Variants in GALNT18 observed in about 807,000 individuals in gnomAD.
GALNT18 encodes the protein GalNAc-transferase 18.
A neutral mutation model predicts 69.5 loss-of-function variants in GALNT18; 44 were observed. That is an observed-to-expected ratio of 0.63 (90% CI 0.50 to 0.81). The LOEUF (loss-of-function observed/expected upper bound fraction) is 0.81, where lower values mean the gene tolerates loss of function less well. Among genes scored for constraint, GALNT18 ranks in the 40% least tolerant of loss-of-function variants. GALNT18 has a pLI of 0.00. For missense variants in GALNT18, 715 were observed against 810.0 expected (o/e 0.88, Z 1.42); for synonymous variants, 364 against 318.2 (o/e 1.14, Z -1.53).
intron 10 of GALNT18, among the ~76,000 whole-genome samples, chr11:11,279,100 G>A (rs547836511): frequency 8.6e-5 from 13 of 152,036 alleles, no homozygotes; most frequent in East Asian, 7.8e-4. Flanking sequence ...GGCTCTCTCC[G>A]CTCTGAGTCT....
chr11:11,379,377 T>C (rs1049353817), intron 3 of GALNT18, 113 bp from the exon 4 acceptor site: 45 of 1,025,948 alleles, frequency 4.4e-5, no homozygotes, highest in Admixed American at 7.2e-5. Context: ...GGGGGACCCA[T>C]TCCCCTCCCT....
chr11:11,516,475 T>C (rs1293291901), intron 1 of GALNT18, among the ~76,000 whole-genome samples: 2 of 151,996 alleles, frequency 1.3e-5, no homozygotes, highest in African/African-American at 4.8e-5. Context: ...CTACTAAAAA[T>C]GCAAAATTAG....
chr11:11,372,508 C>T lies in GALNT18; in HGVS notation c.1092+7G>A, dbSNP rs1001196635. 2.5e-5 allele frequency: 41 copies of T among 1,611,420 alleles called. No individual in the cohort carries two copies. The Admixed American group carries it at 2.7e-4, about 10-fold the overall frequency. On this transcript the variant is annotated splice_region_variant and intron_variant, in intron 6 of 10. Coordinates refer to ENST00000227756, the MANE Select transcript of GALNT18 (RefSeq NM_198516.3). This position sits in a 1 kb window ranked among gnomAD's most constrained non-coding sequence, Gnocchi z 4.9. ...GCCGAGCAGTTTGAGTGAGAAACCC[C>T]ACTCACCCTGATCCCAAGCTCCACA... is the stretch of plus-strand genomic sequence containing the variant.
intron 1 of GALNT18, among the ~76,000 whole-genome samples, chr11:11,462,909 G>T (rs1310830103): frequency 6.6e-6 from 1 of 152,132 alleles, no homozygotes; most frequent in African/African-American, 2.4e-5. Context: ...CAAAGAACAA[G>T]TATTTGGGGT....
At chr11:11,529,874 A>T (rs1358748925) in intron 1 of GALNT18, among the ~76,000 whole-genome samples, 1 of 152,086 alleles carries the variant, frequency 6.6e-6, no homozygotes, top group Non-Finnish European at 1.5e-5. Context: ...ACCCAGGTTT[A>T]ACTCTCCTTG....
rs1848823164 is a variant in GALNT18, at chr11:11,271,348, G to C, written c.1678-58C>G. ...GCATAGAGGCAACATGCAGAAATTC[G>C]GGAGCCTCAGGCCAAGTGGCTGGTG... On this transcript the variant is annotated intron_variant, in intron 10 of 10. Coordinates refer to ENST00000227756, the MANE Select transcript of GALNT18 (RefSeq NM_198516.3). 4 of 1,566,460 alleles carry C rather than the reference G, an allele frequency of 2.6e-6. No homozygotes were observed. In the East Asian group the frequency reaches 6.8e-5, roughly 27 times the overall value.
chr11:11,456,145 G>T (rs923466534), intron 1 of GALNT18, among the ~76,000 whole-genome samples: 7 of 152,154 alleles, frequency 4.6e-5, no homozygotes, highest in Non-Finnish European at 1.5e-5. Flanking sequence ...GGCTGATCTT[G>T]GGTGTCTAAA....
At position 11,603,342 on chromosome 11, in the gene GALNT18, C is replaced by T. The variant is rs939989423; in HGVS notation, c.235+18017G>A. Among the ~76,000 whole-genome samples the T allele has an allele frequency of 3.3e-5, 5 of 152,180 alleles. No homozygotes were observed. The highest frequency in any genetic ancestry group is 5.9e-5 in the Non-Finnish European group (4 of 68,044). On this transcript the variant is annotated intron_variant, in intron 1 of 10. Coordinates refer to ENST00000227756, the MANE Select transcript of GALNT18 (RefSeq NM_198516.3). This position sits in a 1 kb window ranked among gnomAD's most constrained non-coding sequence, Gnocchi z 4.5. ...ATCTAGAGAGTTTTCTAGATCTGAG[C>T]AGATTTCTCAGCTAAAGCCTAACTG...
chr11:11,620,511 C>T lies in GALNT18; in HGVS notation c.235+848G>A, dbSNP rs1330531081. 6.6e-6 allele frequency among the ~76,000 whole-genome samples: 1 copy of T among 152,140 alleles called. No homozygotes were observed. The highest frequency in any genetic ancestry group is 2.4e-5 in the African/African-American group (1 of 41,424). On this transcript the variant is annotated intron_variant, in intron 1 of 10. Transcript: ENST00000227756. The surrounding 1 kb of genome is among the most constrained non-coding windows in gnomAD (Gnocchi z 6.9). ...AACCAGCGTAACCTTACACTTCAGA[C>T]CCAACCCAGGTCTGCTCAGCCCCGG...
chr11:11,534,299 G>A (rs1432746301), intron 1 of GALNT18, among the ~76,000 whole-genome samples: 1 of 152,222 alleles, frequency 6.6e-6, no homozygotes, highest in Admixed American at 6.5e-5. Flanking sequence ...CAATGACCAT[G>A]AGATCTGCCA....
intron 1 of GALNT18, among the ~76,000 whole-genome samples, chr11:11,609,008 C>T (rs1266887688): frequency 6.6e-6 from 1 of 152,208 alleles, no homozygotes; most frequent in East Asian, 1.9e-4. Flanking sequence ...GCAAAAGATC[C>T]TTAACTGTTT....
intron 10 of GALNT18, among the ~76,000 whole-genome samples, chr11:11,285,356 C>T (rs977919677): frequency 6.6e-6 from 1 of 152,146 alleles, no homozygotes; most frequent in African/African-American, 2.4e-5. Flanking sequence ...CCTTATAGCG[C>T]TATCATAGGG....
intron 9 of GALNT18, among the ~76,000 whole-genome samples, chr11:11,313,835 T>C (rs1849707246): frequency 6.6e-6 from 1 of 152,186 alleles, no homozygotes; most frequent in Non-Finnish European, 1.5e-5. Flanking sequence ...AGCTTAGATA[T>C]ACAAAGCACT....
chr11:11,569,393 G>T (rs1858730836), intron 1 of GALNT18, among the ~76,000 whole-genome samples: 1 of 152,144 alleles, frequency 6.6e-6, no homozygotes, highest in Non-Finnish European at 1.5e-5. Context: ...CTGGAAAAAG[G>T]TTCTTTGGAG....
rs373519534 is a variant in GALNT18, at chr11:11,402,859, C to T, written c.596-23595G>A. Reference sequence around the variant, plus strand: ...TGACAAGGAGCCTCAGGTGTCCCCACGGGCCCCGGAGATGGTGTAATGCTT... The same window carrying T: ...TGACAAGGAGCCTCAGGTGTCCCCATGGGCCCCGGAGATGGTGTAATGCTT... On this transcript the variant is annotated intron_variant, in intron 3 of 10. Transcript: ENST00000227756. This position sits in a 1 kb window ranked among gnomAD's most constrained non-coding sequence, Gnocchi z 4.0. Among the ~76,000 whole-genome samples the T allele has an allele frequency of 1.6e-4, 25 of 152,328 alleles. No homozygotes were observed. The East Asian group carries it at 2.3e-3, about 14-fold the overall frequency.
chr11:11,397,094 G>A (rs1854349972), intron 3 of GALNT18, among the ~76,000 whole-genome samples: 1 of 152,026 alleles, frequency 6.6e-6, no homozygotes, highest in Non-Finnish European at 1.5e-5. Flanking sequence ...GTATTTAGGA[G>A]GTCTCCAGAG....
intron 1 of GALNT18, among the ~76,000 whole-genome samples, chr11:11,578,938 C>T (rs909588399): frequency 4.6e-5 from 7 of 152,202 alleles, no homozygotes; most frequent in African/African-American, 1.7e-4. Context: ...AGCTGGCTCC[C>T]TGGAAACCCA....
At chr11:11,575,644 G>A (rs1348260836) in intron 1 of GALNT18, among the ~76,000 whole-genome samples, 1 of 152,196 alleles carries the variant, frequency 6.6e-6, no homozygotes, top group Non-Finnish European at 1.5e-5. Flanking sequence ...GTTATATGAG[G>A]CCATGAGTTC....
Position 11,602,326 on chromosome 11 carries a change from A to G in GALNT18, c.235+19033T>C, listed in dbSNP as rs112261755. Among the ~76,000 whole-genome samples the G allele has an allele frequency of 7.5e-3, 1,144 of 152,146 alleles. 19 individuals carry two copies. The highest frequency in any genetic ancestry group is 0.026 in the African/African-American group (1,089 of 41,510). On this transcript the variant is annotated intron_variant, in intron 1 of 10. Coordinates refer to ENST00000227756, the MANE Select transcript of GALNT18 (RefSeq NM_198516.3). This position sits in a 1 kb window ranked among gnomAD's most constrained non-coding sequence, Gnocchi z 4.7. Reference sequence around the variant, plus strand: ...ATTCTCAACACAGGGTAAAGCTTCCACCCTGTAAGTAGGGGCAGCCCCAGA... The same window carrying G: ...ATTCTCAACACAGGGTAAAGCTTCCGCCCTGTAAGTAGGGGCAGCCCCAGA...
Sources: allele counts gnomAD v4.1 joint callset (sites outside exome capture counted in the v4.1 genomes callset), GRCh38; gene constraint gnomAD v4.1.1; non-coding constraint Gnocchi (gnomAD v3.1); transcripts MANE v1.5; gene names NCBI Gene and HGNC (gene_info 2026-07-23, HGNC 2026-07-21).